The following CTNNA3 variants were observed in gnomAD, a reference collection of about 807,000 sequenced individuals.
CTNNA3 encodes the protein catenin alpha-3.
In CTNNA3, 76 loss-of-function variants were observed where a neutral mutation model predicts 95.7. That is an observed-to-expected ratio of 0.79 (90% CI 0.66 to 0.96). The LOEUF (loss-of-function observed/expected upper bound fraction) is 0.96, where lower values mean the gene tolerates loss of function less well. CTNNA3 is among the 40% of genes least tolerant of loss of function. The pLI is 0.00. For synonymous variants in CTNNA3, 431 were observed against 374.4 expected (o/e 1.15, Z -1.74); for missense variants, 1,191 against 1,089.8 (o/e 1.09, Z -1.31).
At chr10:67,325,452 C>T (rs890644610) in intron 5 of CTNNA3, among the ~76,000 whole-genome samples, 1 of 152,146 alleles carries the variant, frequency 6.6e-6, no homozygotes, top group African/African-American at 2.4e-5. Context: ...TCACTGGTTT[C>T]AAAGAACTTC....
intron 8 of CTNNA3, among the ~76,000 whole-genome samples, chr10:66,774,225 C>T (rs2132817444): frequency 6.6e-6 from 1 of 152,192 alleles, no homozygotes; most frequent in Middle Eastern, 3.4e-3. Flanking sequence ...TTTTCTGAGT[C>T]CTAGGTGAAG....
intron 11 of CTNNA3, among the ~76,000 whole-genome samples, chr10:66,434,036 G>A (rs2093318700): frequency 6.6e-6 from 1 of 152,116 alleles, no homozygotes; most frequent in South Asian, 2.1e-4. Flanking sequence ...TGCTGTTTTT[G>A]TTACTGCAGC....
At chr10:66,716,857 G>C (rs1848467409) in intron 9 of CTNNA3, among the ~76,000 whole-genome samples, 1 of 152,056 alleles carries the variant, frequency 6.6e-6, no homozygotes, top group Non-Finnish European at 1.5e-5. Flanking sequence ...AAAAAAACTT[G>C]GTCAGGCTTT....
chr10:66,458,258 A>G (rs367959237), intron 11 of CTNNA3, among the ~76,000 whole-genome samples: 1 of 152,190 alleles, frequency 6.6e-6, no homozygotes, highest in Non-Finnish European at 1.5e-5. Context: ...GTACATTCAT[A>G]TCATGGCATA....
At chr10:66,990,997 G>A (rs7082306) in intron 7 of CTNNA3, among the ~76,000 whole-genome samples, 16,545 of 152,026 alleles carry the variant, frequency 0.11, 1,254 homozygotes, top group African/African-American at 0.21. Flanking sequence ...TGAACATTTT[G>A]GTGAAACAAA....
intron 3 of CTNNA3, among the ~76,000 whole-genome samples, chr10:67,596,150 C>A (rs2133357762): frequency 6.6e-6 from 1 of 152,234 alleles, no homozygotes; most frequent in East Asian, 1.9e-4. Flanking sequence ...TTGATATGTG[C>A]AGATTTGATC....
At chr10:67,534,615 T>C (rs893884020) in intron 4 of CTNNA3, among the ~76,000 whole-genome samples, 19 of 152,170 alleles carry the variant, frequency 1.2e-4, no homozygotes, top group African/African-American at 4.1e-4. Flanking sequence ...TAAGTTTCTG[T>C]AAGGTTTACT....
intron 7 of CTNNA3, among the ~76,000 whole-genome samples, chr10:67,152,832 T>A (rs184875384): frequency 1.3e-5 from 2 of 152,310 alleles, no homozygotes; most frequent in African/African-American, 4.8e-5. Flanking sequence ...GGAATCTAAG[T>A]TTTTTATAAA....
intron 7 of CTNNA3, among the ~76,000 whole-genome samples, chr10:67,129,489 G>A (rs1011092163): frequency 6.6e-6 from 1 of 152,114 alleles, no homozygotes; most frequent in African/African-American, 2.4e-5. Context: ...CAAGTATAAT[G>A]TGCAATTAAA....
At chr10:67,647,293 C>T (rs1839745568) in intron 2 of CTNNA3, 122 bp downstream of exon 2, 2 of 656,320 alleles carry the variant, frequency 3.0e-6, no homozygotes, top group Non-Finnish European at 4.8e-6. Flanking sequence ...CTTTAAAGGA[C>T]AATTTTAGAT....
intron 14 of CTNNA3, 30 bp downstream of exon 14, chr10:66,103,127 A>T: frequency 6.4e-7 from 1 of 1,570,246 alleles, no homozygotes; most frequent in Non-Finnish European, 8.8e-7. Context: ...GACACAGTAC[A>T]TGGTTCTCCC....
At position 67,390,909 on chromosome 10, in the gene CTNNA3, A is replaced by C. The variant is rs557484192; in HGVS notation, c.579+130933T>G. On this transcript the variant is annotated intron_variant, in intron 5 of 17. Transcript: ENST00000433211. ...TAGGTATTGATGGGACGTATTTCAA[A>C]ATAATAAGAGCTATCTATGACAAAC... Among the ~76,000 whole-genome samples the C allele has an allele frequency of 8.5e-3, 1,292 of 151,508 alleles. 74 individuals carry two copies. The highest frequency in any genetic ancestry group is 0.078 in the Admixed American group (1,187 of 15,182).
In CTNNA3 at chr10:67,606,916, T is replaced by A; in HGVS notation, c.233A>T (p.Gln78Leu). 1 of 1,614,176 alleles carries A rather than the reference T, an allele frequency of 6.2e-7. No homozygotes were observed. The highest frequency in any genetic ancestry group is 2.2e-5 in the East Asian group (1 of 44,886). Residue 78 changes from glutamine to leucine, a missense_variant, in exon 3 of 18, where the codon CAG becomes CTG. Transcript: ENST00000433211. The part of the protein sequence containing the change: ...NLLDKGEKIA[Q>L]EATVLKDELT... Reference sequence around the variant, plus strand: ...CTCATCCTTTAAAACTGTAGCTTCCTGGGCAATCTTCTCTCCCTTGTCTAA... The same window carrying A: ...CTCATCCTTTAAAACTGTAGCTTCCAGGGCAATCTTCTCTCCCTTGTCTAA...
At chr10:67,000,866 C>A (rs1243720911) in intron 7 of CTNNA3, among the ~76,000 whole-genome samples, 5 of 151,958 alleles carry the variant, frequency 3.3e-5, no homozygotes, top group African/African-American at 1.2e-4. Flanking sequence ...GTATGTCTAG[C>A]CAAAGTCAAT....
intron 13 of CTNNA3, among the ~76,000 whole-genome samples, chr10:66,216,627 C>T (rs1461787485): frequency 3.3e-5 from 5 of 152,194 alleles, no homozygotes; most frequent in African/African-American, 1.2e-4. Flanking sequence ...TCCACAGCTA[C>T]ACAGTTAATA....
At chr10:66,775,903 G>C (rs977450836) in intron 7 of CTNNA3, among the ~76,000 whole-genome samples, 1 of 152,128 alleles carries the variant, frequency 6.6e-6, no homozygotes, top group Non-Finnish European at 1.5e-5. Context: ...AGTTTCTAAA[G>C]TCATTTCCAT....
chr10:67,040,053 ATCTC>A (rs758455473), intron 7 of CTNNA3, among the ~76,000 whole-genome samples: 1 of 151,928 alleles, frequency 6.6e-6, no homozygotes, highest in Non-Finnish European at 1.5e-5. Context: ...ACACCCATTC[ATCTC>A]TCTCTTTTTT....
chr10:67,451,482 C>T (rs1159513095), intron 5 of CTNNA3, among the ~76,000 whole-genome samples: 2 of 151,678 alleles, frequency 1.3e-5, no homozygotes, highest in Non-Finnish European at 2.9e-5. Flanking sequence ...AAGCAGATAA[C>T]AGAAACACTA....
At chr10:67,642,757 C>A (rs111770832) in intron 2 of CTNNA3, among the ~76,000 whole-genome samples, 385 of 151,888 alleles carry the variant, frequency 2.5e-3, no homozygotes, top group Middle Eastern at 6.8e-3. Context: ...CGGAGAAATG[C>A]AAATCAAAAT....
Sources: allele counts gnomAD v4.1 joint callset (sites outside exome capture counted in the v4.1 genomes callset), GRCh38; gene constraint gnomAD v4.1.1; transcripts MANE v1.5; gene names NCBI Gene and HGNC (gene_info 2026-07-23, HGNC 2026-07-21).